Variants in GADL1 observed in about 807,000 individuals in gnomAD.
GADL1 encodes the protein acidic amino acid decarboxylase GADL1.
A neutral mutation model predicts 69.5 loss-of-function variants in GADL1; 71 were observed. That is an observed-to-expected ratio of 1.02 (90% CI 0.84 to 1.25). The LOEUF (loss-of-function observed/expected upper bound fraction) is 1.25. Among genes scored for constraint, GADL1 ranks in the 50% most tolerant of loss-of-function variants. GADL1 has a pLI of 0.00. For synonymous variants in GADL1, 254 were observed against 214.4 expected, an observed-to-expected ratio of 1.18 and a Z score of -1.62; for missense variants, 737 against 631.8, an observed-to-expected ratio of 1.17 and a Z score of -1.79.
At chr3:30,782,186 A>G (rs983801759) in intron 13 of GADL1, among the ~76,000 whole-genome samples, 1 of 152,172 alleles carries the variant, frequency 6.6e-6, no homozygotes, top group African/African-American at 2.4e-5. Flanking sequence ...TTCTAGAGGA[A>G]CATGGAGTCA....
At chr3:30,817,880 A>C (rs1697501577) in intron 11 of GADL1, among the ~76,000 whole-genome samples, 1 of 152,228 alleles carries the variant, frequency 6.6e-6, no homozygotes, top group South Asian at 2.1e-4. Context: ...ATGTACTGGG[A>C]AGACAGACAG....
intron 14 of GADL1, among the ~76,000 whole-genome samples, chr3:30,769,786 T>C (rs1334597691): frequency 1.3e-5 from 2 of 152,166 alleles, no homozygotes; most frequent in East Asian, 3.9e-4. Flanking sequence ...GAGACCGTTA[T>C]CTTCTAGTAG....
At chr3:30,854,827 TAAA>T in intron 3 of GADL1, 38 bp from the exon 4 acceptor site, 1 of 870,170 alleles carries the variant, frequency 1.1e-6, no homozygotes, top group Non-Finnish European at 1.7e-6. Context: ...TATGCAGCAA[TAAA>T]AAAAAAAACT....
chr3:30,854,751 C>G lies in GADL1; in HGVS notation c.376G>C (p.Asp126His). The change falls in exon 4 of 15, where the codon GAT becomes CAT. Residue 126 changes from aspartate (D) to histidine (H), a missense_variant. Transcript: ENST00000282538. The stretch of plus-strand genomic sequence containing the variant: ...AATCGGGCCACCAAGGAGTAATAAT[C>G]AAGTCCAGCATACAATTGGTTGAAA... ...RFFNQLYAGLDYYSLVARFMT... is the reference protein window; with the variant it reads ...RFFNQLYAGLHYYSLVARFMT... 1.3e-6 allele frequency: 2 copies of G among 1,549,448 alleles called. No individual in the cohort carries two copies. The highest frequency in any genetic ancestry group is 1.2e-5 in the South Asian group (1 of 83,918).
At chr3:30,791,338 C>T (rs1041920241) in intron 12 of GADL1, among the ~76,000 whole-genome samples, 1 of 152,092 alleles carries the variant, frequency 6.6e-6, no homozygotes, top group Admixed American at 6.6e-5. Context: ...ATGAAGAAAG[C>T]TTTCTCCAGA....
At chr3:30,842,327 GTAT>G (rs1697980315) in intron 8 of GADL1, among the ~76,000 whole-genome samples, 1 of 150,578 alleles carries the variant, frequency 6.6e-6, no homozygotes, top group Non-Finnish European at 1.5e-5. Flanking sequence ...AGATCAAATG[GTAT>G]TATGTCTGGG....
At chr3:30,813,207 C>T (rs1253069123) in intron 11 of GADL1, among the ~76,000 whole-genome samples, 1 of 152,192 alleles carries the variant, frequency 6.6e-6, no homozygotes, top group African/African-American at 2.4e-5. Flanking sequence ...CATCATATAA[C>T]ATTTTCATTC....
intron 11 of GADL1, among the ~76,000 whole-genome samples, chr3:30,802,069 T>G (rs552949109): frequency 1.3e-5 from 2 of 152,334 alleles, no homozygotes; most frequent in South Asian, 4.1e-4. Context: ...ACACTAAACA[T>G]AGCCTGCCTT....
chr3:30,807,314 C>T (rs1469152635), intron 11 of GADL1, among the ~76,000 whole-genome samples: 1 of 152,152 alleles, frequency 6.6e-6, no homozygotes, highest in Non-Finnish European at 1.5e-5. Flanking sequence ...ATGAAATGAA[C>T]ATATTACAAC....
chr3:30,838,856 G>T, intron 9 of GADL1, 141 bp downstream of exon 9: 1 of 562,248 alleles, frequency 1.8e-6, no homozygotes, highest in East Asian at 3.3e-5. Context: ...ACAAGAAAGT[G>T]GCATACTTAT....
At chr3:30,800,573 CTGAT>C (rs1397295704) in intron 12 of GADL1, 1 of 307,328 alleles carries the variant, frequency 3.3e-6, no homozygotes, top group South Asian at 4.1e-5. Context: ...AGAAGCCCTC[CTGAT>C]TGATCTTGGA....
chr3:30,806,772 A>G (rs145954636), intron 11 of GADL1, among the ~76,000 whole-genome samples: 445 of 152,324 alleles, frequency 2.9e-3, no homozygotes, highest in Admixed American at 5.7e-3. Flanking sequence ...AACAGAACTA[A>G]TTGAGTACAA....
chr3:30,776,461 TTG>T (rs1481156048), intron 14 of GADL1, among the ~76,000 whole-genome samples: 1 of 152,206 alleles, frequency 6.6e-6, no homozygotes, highest in Non-Finnish European at 1.5e-5. Context: ...CTTTGCTATT[TTG>T]TGTGTGACAA....
At chr3:30,758,584 A>G (rs1289133504) in intron 14 of GADL1, among the ~76,000 whole-genome samples, 4 of 152,240 alleles carry the variant, frequency 2.6e-5, no homozygotes, top group Non-Finnish European at 5.9e-5. Context: ...GGCTTAGCAC[A>G]GTATAAGATA....
intron 14 of GADL1, among the ~76,000 whole-genome samples, chr3:30,757,422 G>A (rs907590626): frequency 4.6e-5 from 7 of 152,054 alleles, no homozygotes; most frequent in Admixed American, 6.6e-5. Flanking sequence ...AGGACAATTC[G>A]CATGGAAAGT....
At chr3:30,859,191 G>A (rs1370020323) in intron 2 of GADL1, among the ~76,000 whole-genome samples, 17 of 151,806 alleles carry the variant, frequency 1.1e-4, no homozygotes, top group Admixed American at 1.1e-3. Context: ...GAGGGGAGGA[G>A]AGAGATAGGG....
chr3:30,727,773 TA>T lies in GADL1; in HGVS notation c.*468del, dbSNP rs1365074861. 1 of 152,448 alleles carries T rather than the reference TA, an allele frequency of 6.6e-6. No individual in the cohort carries two copies. The highest frequency in any genetic ancestry group is 1.5e-5 in the Non-Finnish European group (1 of 68,246). The allele number at this position is 152,448 out of a possible 1,614,324, so 9.4% of individuals were successfully genotyped here. A position where few individuals can be genotyped will look rare whatever the true frequency, so the allele number is the denominator to read the frequency against. ...CTGACGGGCTTGTTAAAACACAGAA[TA>T]CTGGGCCTCACCCCCAGAGCTTCTG... On this transcript the variant is annotated 3_prime_UTR_variant, in exon 15 of 15. Coordinates refer to ENST00000282538, the MANE Select transcript of GADL1 (RefSeq NM_207359.3).
At position 30,754,868 on chromosome 3, in the gene GADL1, T is replaced by TC. The variant is rs1553635793; in HGVS notation, c.1392+23310dup. Among the ~76,000 whole-genome samples the TC allele has an allele frequency of 1.4e-3, 218 of 151,940 alleles. 5 individuals are homozygous for TC. In the East Asian group the frequency reaches 0.034, roughly 23 times the overall value. ...AAAACTGCAGGGCACTGATTTTTTT[T>TC]CTGAAAGTCTCATGTGCTTGGGTAG... On this transcript the variant is annotated intron_variant, in intron 14 of 14. Transcript: ENST00000282538.
At chr3:30,845,917 C>G (rs1311843118) in intron 6 of GADL1, among the ~76,000 whole-genome samples, 1 of 151,976 alleles carries the variant, frequency 6.6e-6, no homozygotes, top group Non-Finnish European at 1.5e-5. Context: ...CAATGCTCTC[C>G]CCCTGAGAAA....
Sources: gnomAD v4.1 joint callset for allele counts (sites outside exome capture counted in the v4.1 genomes callset) on GRCh38, gnomAD v4.1.1 for gene constraint, MANE v1.5 for transcripts, NCBI Gene and HGNC (gene_info 2026-07-23, HGNC 2026-07-21) for gene names.